MVK: variants seen among roughly 807,000 people sequenced by gnomAD.
MVK encodes LH receptor mRNA-binding protein.
A neutral mutation model predicts 43.2 loss-of-function variants in MVK; 34 were observed. That is an observed-to-expected ratio of 0.79 (90% CI 0.60 to 1.05). The LOEUF is 1.05. Ranked by LOEUF, MVK falls within the 50% of genes least tolerant of loss-of-function variation. The probability of loss-of-function intolerance (pLI) is 0.00; values close to 1 mark genes in which losing one functional copy is unlikely to be tolerated. For missense variants in MVK, 395 were observed against 504.0 expected (o/e 0.78, Z 2.07); for synonymous variants, 190 against 219.8 (o/e 0.86, Z 1.20).
In MVK at chr12:109,586,266, G is replaced by T. The variant is rs1885428407; in HGVS notation, c.631+141G>T. ...AAAATAGCATTTTCCTATTTTGGGG[G>T]GAATGGGGAGAAATCTTGGGGCCCT... On this transcript the variant is annotated intron_variant, in intron 6 of 10. Transcript: ENST00000228510. The T allele has an allele frequency of 1.0e-5, 8 of 763,802 alleles. No homozygotes were observed. In the South Asian group the frequency reaches 1.2e-4, roughly 12 times the overall value. The allele number at this position is 763,802 out of a possible 1,614,324, so 47.3% of individuals were successfully genotyped here. A position where few individuals can be genotyped will look rare whatever the true frequency, so the allele number is the denominator to read the frequency against.
chr12:109,595,161 G>C lies in MVK; in HGVS notation c.1019G>C (p.Gly340Ala), dbSNP rs1256501368. Residue 340 changes from glycine (G) to alanine (A), a missense_variant, in exon 10 of 11, where the codon GGC (glycine) becomes GCC (alanine). By Grantham distance (60) the Gly-to-Ala change is moderately conservative. Coordinates refer to ENST00000228510, the MANE Select transcript of MVK (RefSeq NM_000431.4). This position sits in a 1 kb window ranked among gnomAD's most constrained non-coding sequence, Gnocchi z 5.9. Reference protein sequence around the residue: ...KLTGAGGGGCGITLLKPGLEQ... With the variant: ...KLTGAGGGGCAITLLKPGLEQ... ...ACTGGCGCAGGCGGTGGTGGCTGTGGCATCACACTCCTCAAGCCAGGTATC... is the reference window on the plus strand; with the variant it reads ...ACTGGCGCAGGCGGTGGTGGCTGTGCCATCACACTCCTCAAGCCAGGTATC... 6.2e-7 allele frequency: 1 copy of C among 1,614,064 alleles called. No homozygotes were observed. Among genetic ancestry groups the C allele is most frequent in the Non-Finnish European group, 8.5e-7 (1 of 1,180,008 alleles).
chr12:109,581,393 A>T lies in MVK; in HGVS notation c.372-2A>T. 6.2e-7 allele frequency: 1 copy of T among 1,613,708 alleles called. No homozygotes were observed. The highest frequency in any genetic ancestry group is 8.5e-7 in the Non-Finnish European group (1 of 1,179,984). On this transcript the variant is annotated splice_acceptor_variant, in intron 4 of 10. Transcript: ENST00000228510. LOFTEE classifies it high-confidence loss of function. ...CACGTTTCACACCCTGGTGTGTTTC[A>T]GGGCCCTGCCGAGCCTGGATATCGT...
intron 8 of MVK, 80 bp downstream of exon 8, chr12:109,590,941 G>A: frequency 6.9e-7 from 1 of 1,455,106 alleles, no homozygotes; most frequent in Non-Finnish European, 9.6e-7. Context: ...TCTCCCTCTG[G>A]CTGATGGGTT....
At chr12:109,576,193 G>A in intron 3 of MVK, 48 bp downstream of exon 3, 1 of 1,612,072 alleles carries the variant, frequency 6.2e-7, no homozygotes, top group Non-Finnish European at 8.5e-7. Flanking sequence ...CTACAGAGAG[G>A]GCAGCTGGCC....
rs191620549 is a variant in MVK at position 109,586,691 on chromosome 12, T to C, written c.632-63T>C. 38 of 1,591,012 alleles carry C rather than the reference T, an allele frequency of 2.4e-5. No homozygotes were observed. The Middle Eastern group carries it at 1.5e-3, about 63-fold the overall frequency. On this transcript the variant is annotated intron_variant, in intron 6 of 10. Transcript: ENST00000228510. ...AACCCAACCCAAAGTTCAACCTCTC[T>C]CCCAAGTAGCACAGATATGTTAGCT...
intron 7 of MVK, 28 bp downstream of exon 7, chr12:109,586,827 AG>A: frequency 6.2e-7 from 1 of 1,613,262 alleles, no homozygotes; most frequent in Admixed American, 1.7e-5. Context: ...CAGCACATTC[AG>A]CCATGGCTGC....
At chr12:109,591,420 C>G (rs534936132) in intron 9 of MVK, 63 bp downstream of exon 9, 10 of 1,467,778 alleles carry the variant, frequency 6.8e-6, no homozygotes, top group African/African-American at 1.4e-5. Flanking sequence ...GGCAGTGGCT[C>G]TGCAATCTGG....
At chr12:109,594,999 G>A (rs1368775542) in intron 9 of MVK, 29 bp from the exon 10 acceptor site, 1 of 1,613,948 alleles carries the variant, frequency 6.2e-7, no homozygotes, top group East Asian at 2.2e-5. Context: ...GGCAGGCCAA[G>A]TGGGAACAGA....
chr12:109,590,997 G>A, intron 8 of MVK, 136 bp downstream of exon 8: 1 of 1,042,742 alleles, frequency 9.6e-7, no homozygotes, highest in Non-Finnish European at 1.5e-6. Flanking sequence ...AGGTGGTTTT[G>A]GCAGAAAAGA....
chr12:109,582,277 G>A (rs563795714), intron 5 of MVK, among the ~76,000 whole-genome samples: 202 of 150,536 alleles, frequency 1.3e-3, no homozygotes, highest in Non-Finnish European at 2.5e-3. Context: ...TCCTGGGCTT[G>A]TTTTTGTTTT....
At chr12:109,592,691 A>G (rs1764286473) in intron 9 of MVK, among the ~76,000 whole-genome samples, 1 of 152,222 alleles carries the variant, frequency 6.6e-6, no homozygotes, top group Non-Finnish European at 1.5e-5. Flanking sequence ...ACTTCCCCCA[A>G]GGTTATCCAG....
chr12:109,573,343 T>C (rs1385514124), upstream of MVK: 1 of 1,613,046 alleles, frequency 6.2e-7, no homozygotes, highest in African/African-American at 1.3e-5. Context: ...CGCCAGCCAC[T>C]CACCTGTCCC....
rs541159703 is a variant in MVK, at chr12:109,596,702, G to A, written c.*125G>A. Reference sequence around the variant, plus strand: ...TGACACTGCTGGAGAGGCCCCAGCCGCTTGGCGATGCCAGCCAAGCTCTGC... The same window carrying A: ...TGACACTGCTGGAGAGGCCCCAGCCACTTGGCGATGCCAGCCAAGCTCTGC... On this transcript the variant is annotated 3_prime_UTR_variant, in exon 11 of 11. Coordinates refer to ENST00000228510, the MANE Select transcript of MVK (RefSeq NM_000431.4). 3.4e-5 allele frequency: 46 copies of A among 1,347,722 alleles called. 1 individual carries two copies. The Admixed American group carries it at 3.5e-4, about 10-fold the overall frequency. The allele number at this position is 1,347,722 out of a possible 1,614,324, so 83.5% of individuals were successfully genotyped here. A position where few individuals can be genotyped will look rare whatever the true frequency, so the allele number is the denominator to read the frequency against.
At chr12:109,592,534 G>A (rs1005418885) in intron 9 of MVK, among the ~76,000 whole-genome samples, 9 of 152,246 alleles carry the variant, frequency 5.9e-5, no homozygotes, top group African/African-American at 2.2e-4. Context: ...GGGCATTCGA[G>A]TCTGTAGCCC....
intron 5 of MVK, among the ~76,000 whole-genome samples, chr12:109,582,316 T>TTTG (rs1366011081): frequency 7.4e-4 from 28 of 38,012 alleles, no homozygotes; most frequent in African/African-American, 4.4e-3. Context: ...AGCTTGGTTT[T>TTTG]TTTGTTTGTT....
intron 4 of MVK, 135 bp downstream of exon 4, chr12:109,580,081 C>A: frequency 7.5e-7 from 1 of 1,337,218 alleles, no homozygotes; most frequent in Non-Finnish European, 1.0e-6. Context: ...CATCATGTGC[C>A]AGGCACCCTG....
upstream of MVK, chr12:109,573,320 GA>G: frequency 1.9e-6 from 3 of 1,611,686 alleles, no homozygotes; most frequent in Non-Finnish European, 2.5e-6. Flanking sequence ...GCAGGTGTTC[GA>G]GTTGCCCTTC....
At position 109,595,081 on chromosome 12, in the gene MVK, C is replaced by G; in HGVS notation, c.939C>G (p.Ala313=). 1 of 1,614,208 alleles carries G rather than the reference C, an allele frequency of 6.2e-7. No homozygotes were observed. Among genetic ancestry groups the G allele is most frequent in the Non-Finnish European group, 8.5e-7 (1 of 1,180,046 alleles). ...TGAATGCCCTCGGCGTGGGCCACGC[C>G]TCTCTGGACCAGCTCTGCCAGGTGA... ...HHLNALGVGH[A]SLDQLCQVTR... The change falls in exon 10 of 11, where the codon GCC becomes GCG. Residue 313 remains alanine, a synonymous_variant. Transcript: ENST00000228510. The surrounding 1 kb of genome is among the most constrained non-coding windows in gnomAD (Gnocchi z 5.9).
intron 8 of MVK, 119 bp from the exon 9 acceptor site, chr12:109,591,122 C>CA: frequency 9.4e-7 from 1 of 1,067,650 alleles, no homozygotes. Context: ...GAGGTGGTTT[C>CA]CCCAGAGGAT....
Sources: gnomAD v4.1 joint callset for allele counts (sites outside exome capture counted in the v4.1 genomes callset) on GRCh38, gnomAD v4.1.1 for gene constraint, Gnocchi (gnomAD v3.1) non-coding constraint, MANE v1.5 for transcripts, NCBI Gene and HGNC (gene_info 2026-07-23, HGNC 2026-07-21) for gene names.